Variants in ASTL observed in about 807,000 individuals in gnomAD.
The protein encoded by ASTL is astacin like metalloendopeptidase, also known as astacin-like metalloendopeptidase.
Under a neutral mutation model 36.7 loss-of-function variants are expected in ASTL, and 27 were observed. That is an observed-to-expected ratio of 0.73 (90% confidence interval 0.54 to 1.01). The LOEUF (loss-of-function observed/expected upper bound fraction) is 1.01, where lower values mean the gene tolerates loss of function less well. Ranked by LOEUF, ASTL falls within the 50% of genes least tolerant of loss-of-function variation. The pLI is 0.00. For synonymous variants in ASTL, 222 were observed against 228.1 expected, an observed-to-expected ratio of 0.97 and a Z score of 0.24; for missense variants, 524 against 572.8, an observed-to-expected ratio of 0.91 and a Z score of 0.87.
rs369137669 is a variant in ASTL, at chr2:96,130,055, G to T, written c.719+9C>A. On this transcript the variant is annotated intron_variant, in intron 7 of 8. Coordinates refer to ENST00000342380, the MANE Select transcript of ASTL (RefSeq NM_001002036.4). ...GGGAAGCAGAGGGAGAAGAAGGCAG[G>T]GTCCTCACCTCCCATAGTGCATCAC... 1.1e-5 allele frequency: 17 copies of T among 1,613,350 alleles called. No individual in the cohort carries two copies. The African/African-American group carries it at 1.9e-4, about 18-fold the overall frequency.
intron 8 of ASTL, among the ~76,000 whole-genome samples, chr2:96,125,808 G>A (rs996306178): frequency 6.6e-6 from 1 of 152,136 alleles, no homozygotes; most frequent in Non-Finnish European, 1.5e-5. Flanking sequence ...CCAGCATGGT[G>A]GTGCTCACCT....
chr2:96,137,919 G>T (rs1367709372), intron 1 of ASTL: 3 of 533,700 alleles, frequency 5.6e-6, no homozygotes, highest in Non-Finnish European at 6.7e-6. Context: ...CCCTTAGGGG[G>T]ACCAAAAGGG....
intron 8 of ASTL, 50 bp downstream of exon 8, chr2:96,129,774 G>A (rs374790392): frequency 1.1e-5 from 17 of 1,497,626 alleles, no homozygotes; most frequent in Non-Finnish European, 1.3e-5. Context: ...CACCATTAGA[G>A]CACAGGCGCC....
At chr2:96,126,061 T>C (rs201262207) in intron 8 of ASTL, among the ~76,000 whole-genome samples, 1 of 152,288 alleles carries the variant, frequency 6.6e-6, no homozygotes. Context: ...TATACCTAAA[T>C]GTAAAACCTG....
chr2:96,137,477 A>G, intron 2 of ASTL, 98 bp downstream of exon 2: 1 of 1,424,664 alleles, frequency 7.0e-7, no homozygotes, highest in East Asian at 2.3e-5. Context: ...AAGCTGGTCC[A>G]TTTCCTCCCA....
Position 96,137,830 on chromosome 2 carries a change from A to G in ASTL, c.56-130T>C, listed in dbSNP as rs1682336723. Reference sequence around the variant, plus strand: ...GTCCCTAGGAAGAGTAGGCTCCAGCACAAAGCCAAGGAGCCTTCCCAGCCT... The same window carrying G: ...GTCCCTAGGAAGAGTAGGCTCCAGCGCAAAGCCAAGGAGCCTTCCCAGCCT... On this transcript the variant is annotated intron_variant, in intron 1 of 8. Transcript: ENST00000342380. 11 of 969,240 alleles carry G rather than the reference A, an allele frequency of 1.1e-5. No individual in the cohort carries two copies. The Admixed American group carries it at 3.0e-4, about 26-fold the overall frequency. 60.0% of individuals were successfully genotyped at this position (969,240 alleles called of 1,614,324 possible). A position where few individuals can be genotyped will look rare whatever the true frequency, so the allele number is the denominator to read the frequency against.
At chr2:96,138,252 TG>T in intron 1 of ASTL, 129 bp downstream of exon 1, 1 of 882,662 alleles carries the variant, frequency 1.1e-6, no homozygotes, top group Non-Finnish European at 1.8e-6. Context: ...AGAATAACCC[TG>T]GAGAGCTCTG....
In ASTL at chr2:96,132,523, C is replaced by T. The variant is rs746228775; in HGVS notation, c.637+17G>A. 9 of 1,578,908 alleles carry T rather than the reference C, an allele frequency of 5.7e-6. No homozygotes were observed. The highest frequency in any genetic ancestry group is 1.9e-4 in the Middle Eastern group (1 of 5,234). On this transcript the variant is annotated intron_variant, in intron 6 of 8. Coordinates refer to ENST00000342380, the MANE Select transcript of ASTL (RefSeq NM_001002036.4). The surrounding 1 kb of genome is among the most constrained non-coding windows in gnomAD (Gnocchi z 5.4). ...CCCTCCCCGGCACCAGCCTGTCCTG[C>T]GTGTGGCCTGGCTCACCTGGCAGGA...
At chr2:96,138,321 G>A in intron 1 of ASTL, 61 bp downstream of exon 1, 2 of 1,477,588 alleles carry the variant, frequency 1.4e-6, no homozygotes, top group Non-Finnish European at 1.9e-6. Context: ...CAACCTTCTA[G>A]CCTCTCCCCA....
rs1419053648 is a variant in ASTL at position 96,129,798 on chromosome 2, A to G, written c.874+26T>C. 3.3e-6 allele frequency: 5 copies of G among 1,512,668 alleles called. No individual in the cohort carries two copies. The African/African-American group carries it at 7.0e-5, about 21-fold the overall frequency. The allele number at this position is 1,512,668 out of a possible 1,614,324, so 93.7% of individuals were successfully genotyped here. A position where few individuals can be genotyped will look rare whatever the true frequency, so the allele number is the denominator to read the frequency against. ...AGCACAGGCGCCTTCTCCAGGTTCA[A>G]GTCACCTTCCTGCCATGCCACTCAC... On this transcript the variant is annotated intron_variant, in intron 8 of 8. Coordinates refer to ENST00000342380, the MANE Select transcript of ASTL (RefSeq NM_001002036.4).
rs1174400095 is a variant in ASTL, at chr2:96,129,948, G to C, written c.750C>G (p.Thr250=). The C allele has an allele frequency of 3.7e-6, 6 of 1,605,484 alleles. No homozygotes were observed. Among genetic ancestry groups the C allele is most frequent in the Admixed American group, 3.3e-5 (2 of 59,818 alleles). ...RLAFSRRGLP[T]ITPLWAPSVH... ...CACTGGGGGCCCAAAGTGGTGTGATGGTGGGCAGCCCACGCCGGCTGAAGG... is the reference window on the plus strand; with the variant it reads ...CACTGGGGGCCCAAAGTGGTGTGATCGTGGGCAGCCCACGCCGGCTGAAGG... Residue 250 remains threonine, a synonymous_variant, in exon 8 of 9, where the codon ACC becomes ACG. Transcript: ENST00000342380.
Position 96,132,403 on chromosome 2 carries a change from AC to A in ASTL, c.637+136del. On this transcript the variant is annotated intron_variant, in intron 6 of 8. Coordinates refer to ENST00000342380, the MANE Select transcript of ASTL (RefSeq NM_001002036.4). This position sits in a 1 kb window ranked among gnomAD's most constrained non-coding sequence, Gnocchi z 5.4. Reference sequence around the variant, plus strand: ...GTACCAGGTACCAGACAGAAGTGAGACCCCCACCTTCCCCACAGGAAGCAGG... The same window carrying A: ...GTACCAGGTACCAGACAGAAGTGAGACCCCACCTTCCCCACAGGAAGCAGG... 1.3e-6 allele frequency: 1 copy of A among 771,488 alleles called. No homozygotes were observed. Among genetic ancestry groups the A allele is most frequent in the Non-Finnish European group, 2.0e-6 (1 of 496,738 alleles). The allele number at this position is 771,488 out of a possible 1,614,324, so 47.8% of individuals were successfully genotyped here.
intron 8 of ASTL, among the ~76,000 whole-genome samples, chr2:96,126,915 A>G (rs1405556855): frequency 6.6e-6 from 1 of 152,194 alleles, no homozygotes; most frequent in Non-Finnish European, 1.5e-5. Context: ...TAGCAATTCC[A>G]TTCCTAGCTG....
chr2:96,135,281 G>C lies in ASTL; in HGVS notation c.243+70C>G. ...ACACATCAGGCCCCATGGCATCCAG[G>C]GTGGGCTCAGAGGACCTGTCGCCAA... On this transcript the variant is annotated intron_variant, in intron 3 of 8. Coordinates refer to ENST00000342380, the MANE Select transcript of ASTL (RefSeq NM_001002036.4). The C allele has an allele frequency of 8.3e-6, 11 of 1,321,810 alleles. No homozygotes were observed. The South Asian group carries it at 9.6e-5, about 12-fold the overall frequency. The allele number at this position is 1,321,810 out of a possible 1,614,324, so 81.9% of individuals were successfully genotyped here.
At chr2:96,135,329 A>G (rs748559131) in intron 3 of ASTL, 22 bp downstream of exon 3, 10 of 1,611,302 alleles carry the variant, frequency 6.2e-6, no homozygotes. Context: ...CCGCACCCAC[A>G]CACGTCAGTG....
At position 96,124,793 on chromosome 2, in the gene ASTL, T is replaced by C. The variant is rs892329514; in HGVS notation, c.875-522A>G. 3.3e-5 allele frequency among the ~76,000 whole-genome samples: 5 copies of C among 152,128 alleles called. No individual in the cohort carries two copies. The highest frequency in any genetic ancestry group is 4.8e-5 in the African/African-American group (2 of 41,424). On this transcript the variant is annotated intron_variant, in intron 8 of 8. Coordinates refer to ENST00000342380, the MANE Select transcript of ASTL (RefSeq NM_001002036.4). The surrounding 1 kb of genome is among the most constrained non-coding windows in gnomAD (Gnocchi z 4.1). The stretch of plus-strand genomic sequence containing the variant: ...GGGCACTCTTCCTCATTCAAGCCCA[T>C]GTTCTCTGGCTGGCCCCAGCCCCTC...
chr2:96,135,911 C>G (rs562253591), intron 2 of ASTL, among the ~76,000 whole-genome samples: 1 of 152,236 alleles, frequency 6.6e-6, no homozygotes, highest in African/African-American at 2.4e-5. Context: ...CTGAGCCACA[C>G]TCCTCAGAAC....
At chr2:96,135,004 C>G (rs1682265822) in intron 3 of ASTL, among the ~76,000 whole-genome samples, 1 of 152,228 alleles carries the variant, frequency 6.6e-6, no homozygotes, top group African/African-American at 2.4e-5. Context: ...CCACTGGCCA[C>G]TCTGCCAACC....
chr2:96,128,480 T>C (rs1188142802), intron 8 of ASTL, among the ~76,000 whole-genome samples: 1 of 152,170 alleles, frequency 6.6e-6, no homozygotes, highest in East Asian at 1.9e-4. Context: ...TTGCGCATGA[T>C]ATGAGTTAGG....
Sources: gnomAD v4.1 joint callset for allele counts (sites outside exome capture counted in the v4.1 genomes callset) on GRCh38, gnomAD v4.1.1 for gene constraint, Gnocchi (gnomAD v3.1) non-coding constraint, MANE v1.5 for transcripts, NCBI Gene and HGNC (gene_info 2026-07-23, HGNC 2026-07-21) for gene names.